Variants in ABCA4 observed in about 807,000 individuals in gnomAD.
ABCA4 encodes the protein retinal-specific phospholipid-transporting ATPase ABCA4.
In ABCA4, 196 loss-of-function variants were observed where a neutral mutation model predicts 263.7. The ratio of observed to expected loss-of-function variants is 0.74; its 90% CI spans 0.66 to 0.84. The LOEUF is 0.84. Among genes scored for constraint, ABCA4 ranks in the 40% least tolerant of loss-of-function variants. The probability of loss-of-function intolerance (pLI) is 0.00; values close to 1 mark genes in which losing one functional copy is unlikely to be tolerated. For missense variants in ABCA4, 2,792 were observed against 2,855.1 expected, an observed-to-expected ratio of 0.98 and a Z score of 0.50; for synonymous variants, 1,133 against 1,094.2, an observed-to-expected ratio of 1.04 and a Z score of -0.70.
chr1:94,111,272 A>G (rs1299985604), intron 3 of ABCA4, among the ~76,000 whole-genome samples, 166 bp downstream of exon 3: 1 of 152,218 alleles, frequency 6.6e-6, no homozygotes, highest in Non-Finnish European at 1.5e-5. Flanking sequence ...CTGACAGTTA[A>G]CAGAATGTTC....
At chr1:94,068,214 C>T (rs1426521581) in intron 11 of ABCA4, among the ~76,000 whole-genome samples, 1 of 152,228 alleles carries the variant, frequency 6.6e-6, no homozygotes, top group Non-Finnish European at 1.5e-5. Context: ...CACACTGATG[C>T]TTGCTAGCTG....
At chr1:94,014,022 G>A (rs985187916) in intron 38 of ABCA4, among the ~76,000 whole-genome samples, 3 of 152,096 alleles carry the variant, frequency 2.0e-5, no homozygotes, top group Admixed American at 6.5e-5. Flanking sequence ...GTATTGATGT[G>A]TGTGTGTGTA....
intron 6 of ABCA4, among the ~76,000 whole-genome samples, chr1:94,093,800 T>C (rs1261736061): frequency 6.6e-6 from 1 of 152,250 alleles, no homozygotes; most frequent in Non-Finnish European, 1.5e-5. Flanking sequence ...ATTTCTTCTT[T>C]GTTGAAATCC....
chr1:94,040,944 T>C (rs934178561), intron 23 of ABCA4, among the ~76,000 whole-genome samples: 5 of 152,252 alleles, frequency 3.3e-5, no homozygotes, highest in African/African-American at 1.2e-4. Flanking sequence ...ACTTCTATGT[T>C]GCACCAAACC....
In ABCA4 at chr1:94,001,902, A is replaced by C. The variant is rs1346127078; in HGVS notation, c.6238T>G (p.Ser2080Ala). 1 of 1,614,098 alleles carries C rather than the reference A, an allele frequency of 6.2e-7. No individual in the cohort carries two copies. The highest frequency in any genetic ancestry group is 1.3e-5 in the African/African-American group (1 of 74,918). The change falls in exon 45 of 50, where the codon TCC (serine) becomes GCC (alanine). Residue 2080 changes from serine to alanine, a missense_variant. Coordinates refer to ENST00000370225, the MANE Select transcript of ABCA4 (RefSeq NM_000350.3). ...CAGCCAATGAGTGCGATGGCTGTGG[A>C]GAGTTTCCGCTTGTTGCCCCCACTG... is the stretch of plus-strand genomic sequence containing the variant. ...TYSGGNKRKL[S>A]TAIALIGCPP...
chr1:94,008,440 G>A (rs1189758542), intron 41 of ABCA4, 143 bp from the exon 42 acceptor site: 11 of 875,782 alleles, frequency 1.3e-5, no homozygotes, highest in East Asian at 7.6e-5. Context: ...GCACAGAGGT[G>A]TGGTGAGTAC....
chr1:94,107,444 T>A (rs1662468080), intron 4 of ABCA4, among the ~76,000 whole-genome samples: 1 of 152,194 alleles, frequency 6.6e-6, no homozygotes, highest in South Asian at 2.1e-4. Flanking sequence ...CCTCTAGCCA[T>A]CCACAGAGGA....
At chr1:94,050,613 A>C (rs888308684) in intron 17 of ABCA4, among the ~76,000 whole-genome samples, 1 of 152,182 alleles carries the variant, frequency 6.6e-6, no homozygotes, top group Admixed American at 6.5e-5. Context: ...GTAGAGAAAA[A>C]TAAAATGCCC....
chr1:94,011,274 A>T lies in ABCA4; in HGVS notation c.5572T>A (p.Tyr1858Asn), dbSNP rs371489809. The T allele has an allele frequency of 4.3e-6, 7 of 1,613,972 alleles. No homozygotes were observed. The highest frequency in any genetic ancestry group is 5.1e-6 in the Non-Finnish European group (6 of 1,180,020). Residue 1858 changes from tyrosine (Y) to asparagine (N), a missense_variant, in exon 39 of 50, where the codon TAT (tyrosine) becomes AAT (asparagine). Tyr to Asn is a moderately radical substitution (Grantham distance 143). Transcript: ENST00000370225. ...GGCTACCACCCACCAAACCGGGCATAGACATCTGTCACAGCCTGGCTCAGT... is the reference window on the plus strand; with the variant it reads ...GGCTACCACCCACCAAACCGGGCATTGACATCTGTCACAGCCTGGCTCAGT... Reference protein sequence around the residue: ...LALSQAVTDVYARFGEEHSAN... With the variant: ...LALSQAVTDVNARFGEEHSAN...
intron 6 of ABCA4, 151 bp downstream of exon 6, chr1:94,098,643 T>C: frequency 1.2e-6 from 1 of 844,222 alleles, no homozygotes; most frequent in Non-Finnish European, 1.9e-6. Flanking sequence ...AGAAATACTA[T>C]CAGTTGTGAT....
intron 47 of ABCA4, 48 bp downstream of exon 47, chr1:94,000,788 G>C (rs1272338798): frequency 1.3e-6 from 2 of 1,551,730 alleles, no homozygotes; most frequent in African/African-American, 2.7e-5. Context: ...ACAGGATCCA[G>C]GTGGATCCAC....
At chr1:94,033,376 A>T (rs1660255639) in intron 26 of ABCA4, among the ~76,000 whole-genome samples, 2 of 149,476 alleles carry the variant, frequency 1.3e-5, no homozygotes, top group African/African-American at 4.9e-5. Flanking sequence ...GTGAGCTATG[A>T]TCGAGCCGCT....
chr1:94,014,686 C>T lies in ABCA4; in HGVS notation c.5317G>A (p.Ala1773Thr), dbSNP rs1472064768. The T allele has an allele frequency of 6.2e-7, 1 of 1,614,054 alleles. No individual in the cohort carries two copies. Among genetic ancestry groups the T allele is most frequent in the East Asian group, 2.2e-5 (1 of 44,894 alleles). ...LVALLLLYGW[A>T]VIPMMYPASF... ...GCTGGGTACATCATGGGAATGACCG[C>T]CCATCTGTGTGAAATGAGACAACTC... The change falls in exon 38 of 50, where the codon GCG (alanine) becomes ACG (threonine). Residue 1773 changes from alanine (A) to threonine (T), a missense_variant. Transcript: ENST00000370225.
At chr1:94,094,832 A>C (rs1160127369) in intron 6 of ABCA4, among the ~76,000 whole-genome samples, 1 of 152,108 alleles carries the variant, frequency 6.6e-6, no homozygotes, top group Non-Finnish European at 1.5e-5. Flanking sequence ...AAGCGTCCCA[A>C]CCTCTCACCC....
chr1:94,021,775 A>T (rs992941905), intron 33 of ABCA4, 61 bp from the exon 34 acceptor site: 35 of 1,607,600 alleles, frequency 2.2e-5, no homozygotes, highest in Non-Finnish European at 2.9e-5. Context: ...GTTATCACTC[A>T]TGAGAGTTTC....
At chr1:94,010,031 C>T (rs1659503855) in intron 40 of ABCA4, among the ~76,000 whole-genome samples, 1 of 152,350 alleles carries the variant, frequency 6.6e-6, no homozygotes, top group Non-Finnish European at 1.5e-5. Context: ...AATCAATTCC[C>T]TGTGGATCAA....
At chr1:94,039,596 CAG>C (rs1431712550) in intron 24 of ABCA4, among the ~76,000 whole-genome samples, 3 of 152,184 alleles carry the variant, frequency 2.0e-5, no homozygotes, top group African/African-American at 7.2e-5. Context: ...AGGAGTATAA[CAG>C]GGGTGTATGC....
At chr1:94,107,194 G>T (rs1176169549) in intron 4 of ABCA4, among the ~76,000 whole-genome samples, 1 of 152,000 alleles carries the variant, frequency 6.6e-6, no homozygotes, top group East Asian at 1.9e-4. Context: ...AACCTCTAAG[G>T]TCATCCTTAG....
At chr1:94,086,127 A>G (rs1363336758) in intron 6 of ABCA4, among the ~76,000 whole-genome samples, 1 of 152,186 alleles carries the variant, frequency 6.6e-6, no homozygotes, top group Non-Finnish European at 1.5e-5. Context: ...TGTGGTGGGC[A>G]CTCAGTATTT....
Sources: gnomAD v4.1 joint callset for allele counts (sites outside exome capture counted in the v4.1 genomes callset) on GRCh38, gnomAD v4.1.1 for gene constraint, MANE v1.5 for transcripts, NCBI Gene and HGNC (gene_info 2026-07-23, HGNC 2026-07-21) for gene names.